The following TNFRSF19 variants were observed in gnomAD, a reference collection of about 807,000 sequenced individuals.
TNFRSF19 encodes the protein TNF receptor superfamily member 19.
In TNFRSF19, 27 loss-of-function variants were observed where a neutral mutation model predicts 46.4. That is an observed-to-expected ratio of 0.58 (90% CI 0.43 to 0.80). The LOEUF (loss-of-function observed/expected upper bound fraction) is 0.80. Among genes scored for constraint, TNFRSF19 ranks in the 30% least tolerant of loss-of-function variants. TNFRSF19 has a pLI of 0.00. For synonymous variants in TNFRSF19, 204 were observed against 205.0 expected, an observed-to-expected ratio of 1.00 and a Z score of 0.04; for missense variants, 511 against 530.8, an observed-to-expected ratio of 0.96 and a Z score of 0.37.
intron 3 of TNFRSF19, among the ~76,000 whole-genome samples, chr13:23,604,813 T>C (rs931537373): frequency 2.0e-5 from 3 of 152,074 alleles, no homozygotes; most frequent in Non-Finnish European, 2.9e-5. Flanking sequence ...AAAATGAATC[T>C]AGACACACCT....
At chr13:23,578,393 T>A (rs1180335063) in intron 1 of TNFRSF19, among the ~76,000 whole-genome samples, 1 of 152,216 alleles carries the variant, frequency 6.6e-6, no homozygotes, top group Non-Finnish European at 1.5e-5. Context: ...ATTTTTAACA[T>A]TGTTCACAAG....
At position 23,578,132 on chromosome 13, in the gene TNFRSF19, G is replaced by A. The variant is rs114867484; in HGVS notation, c.-35+7284G>A. Among the ~76,000 whole-genome samples the A allele has an allele frequency of 3.2e-3, 483 of 152,288 alleles. 4 individuals carry two copies. Among genetic ancestry groups the A allele is most frequent in the African/African-American group, 0.011 (442 of 41,552 alleles). On this transcript the variant is annotated intron_variant, in intron 1 of 9. Coordinates refer to ENST00000248484, the MANE Select transcript of TNFRSF19 (RefSeq NM_148957.4). ...CTCGGGAGATCCAGGTGTAGCTGGG[G>A]AAGGAAACAGATAAAGAAGTTCAGC... is the stretch of plus-strand genomic sequence containing the variant.
intron 1 of TNFRSF19, among the ~76,000 whole-genome samples, chr13:23,575,893 A>C (rs1437447273): frequency 6.6e-6 from 1 of 152,170 alleles, no homozygotes; most frequent in Non-Finnish European, 1.5e-5. Context: ...TTTGGGGAAA[A>C]ATATTTTAAA....
chr13:23,667,864 C>G, intron 7 of TNFRSF19, 116 bp from the exon 8 acceptor site: 1 of 846,132 alleles, frequency 1.2e-6, no homozygotes, highest in Non-Finnish European at 1.7e-6. Flanking sequence ...TTCCTTTTCC[C>G]CCAAAAGTCA....
intron 4 of TNFRSF19, among the ~76,000 whole-genome samples, chr13:23,623,353 T>G (rs574746950): frequency 2.0e-5 from 3 of 152,370 alleles, no homozygotes; most frequent in Admixed American, 2.0e-4. Flanking sequence ...TATTCATCAG[T>G]GGACATTTGG....
intron 3 of TNFRSF19, among the ~76,000 whole-genome samples, chr13:23,602,317 A>G (rs922463396): frequency 1.3e-5 from 2 of 152,166 alleles, no homozygotes; most frequent in African/African-American, 4.8e-5. Context: ...CTAAGAAATT[A>G]TAATAATCTT....
At chr13:23,577,761 G>A (rs1878061330) in intron 1 of TNFRSF19, among the ~76,000 whole-genome samples, 1 of 152,216 alleles carries the variant, frequency 6.6e-6, no homozygotes, top group African/African-American at 2.4e-5. Flanking sequence ...CTGCTCCAGA[G>A]GCGAGGCAAG....
chr13:23,612,931 C>T (rs1881001070), intron 3 of TNFRSF19, among the ~76,000 whole-genome samples: 1 of 152,060 alleles, frequency 6.6e-6, no homozygotes, highest in South Asian at 2.1e-4. Context: ...GGACAGGGAG[C>T]CACAGTTGAA....
At chr13:23,617,873 A>G (rs945792127) in intron 4 of TNFRSF19, among the ~76,000 whole-genome samples, 1 of 152,246 alleles carries the variant, frequency 6.6e-6, no homozygotes, top group Non-Finnish European at 1.5e-5. Context: ...GTCTAACATC[A>G]GAATTCATGC....
chr13:23,674,231 G>A lies in TNFRSF19; in HGVS notation c.*851G>A, dbSNP rs1951796239. ...TCTGTCCCTCTGCCTGAGCTTAGAA[G>A]GTTATAGAAAAAGGGTATTTATAAA... On this transcript the variant is annotated 3_prime_UTR_variant, in exon 10 of 10. Coordinates refer to ENST00000248484, the MANE Select transcript of TNFRSF19 (RefSeq NM_148957.4). 1 of 152,156 alleles carries A rather than the reference G, an allele frequency of 6.6e-6. No individual in the cohort carries two copies. Among genetic ancestry groups the A allele is most frequent in the Admixed American group, 6.5e-5 (1 of 15,274 alleles). The allele number at this position is 152,156 out of a possible 1,614,324, so 9.4% of individuals were successfully genotyped here. A position where few individuals can be genotyped will look rare whatever the true frequency, so the allele number is the denominator to read the frequency against.
chr13:23,572,769 T>C lies in TNFRSF19; in HGVS notation c.-35+1921T>C, dbSNP rs182581422. Among the ~76,000 whole-genome samples the C allele has an allele frequency of 3.1e-3, 467 of 152,324 alleles. 3 individuals are homozygous for C. The highest frequency in any genetic ancestry group is 0.011 in the African/African-American group (449 of 41,570). On this transcript the variant is annotated intron_variant, in intron 1 of 9. Transcript: ENST00000248484. ...GTTGTATCTGAAGGTACAGGTACAG[T>C]CTCAAAAGGCATTTCCTAATTAATT...
At chr13:23,612,515 C>T (rs1399276206) in intron 3 of TNFRSF19, among the ~76,000 whole-genome samples, 1 of 152,138 alleles carries the variant, frequency 6.6e-6, no homozygotes, top group Non-Finnish European at 1.5e-5. Flanking sequence ...CTTGGAATCA[C>T]CTTCTTTGAA....
chr13:23,593,839 C>T (rs1338929552), intron 3 of TNFRSF19, among the ~76,000 whole-genome samples: 1 of 152,178 alleles, frequency 6.6e-6, no homozygotes, highest in Non-Finnish European at 1.5e-5. Flanking sequence ...CAACTCTGAT[C>T]TGCAGCTCCC....
Position 23,674,477 on chromosome 13 carries a change from A to G in TNFRSF19, c.*1097A>G, listed in dbSNP as rs984998780. On this transcript the variant is annotated 3_prime_UTR_variant, in exon 10 of 10. Transcript: ENST00000248484. ...GTGCTCCTTCCAATTGTGTAAGATT[A>G]GTTAGCACATCATCTCCTACTTTAG... is the stretch of plus-strand genomic sequence containing the variant. The G allele has an allele frequency of 1.3e-5, 2 of 152,336 alleles. No individual in the cohort carries two copies. Among genetic ancestry groups the G allele is most frequent in the Admixed American group, 6.5e-5 (1 of 15,298 alleles). 9.4% of individuals were successfully genotyped at this position (152,336 alleles called of 1,614,324 possible).
chr13:23,651,864 T>TTTAAA (rs1883661992), intron 5 of TNFRSF19, among the ~76,000 whole-genome samples: 1 of 59,132 alleles, frequency 1.7e-5, no homozygotes, highest in Admixed American at 2.1e-4. Context: ...TTTTTTTTAC[T>TTTAAA]CTAAATGGTT....
chr13:23,623,347 C>A (rs1392537780), intron 4 of TNFRSF19, among the ~76,000 whole-genome samples: 2 of 152,178 alleles, frequency 1.3e-5, no homozygotes, highest in African/African-American at 4.8e-5. Context: ...TATCCATATT[C>A]ATCAGTGGAC....
At chr13:23,666,839 T>A (rs1428167466) in intron 7 of TNFRSF19, among the ~76,000 whole-genome samples, 1 of 152,194 alleles carries the variant, frequency 6.6e-6, no homozygotes, top group Non-Finnish European at 1.5e-5. Flanking sequence ...CCAGTCATCC[T>A]GTTTCTCACG....
At chr13:23,608,648 C>T (rs377728218) in intron 3 of TNFRSF19, among the ~76,000 whole-genome samples, 18 of 152,298 alleles carry the variant, frequency 1.2e-4, no homozygotes, top group Middle Eastern at 3.4e-3. Context: ...ATCCAGTATA[C>T]GAGCAACTAG....
At chr13:23,657,450 C>T (rs1388979551) in intron 5 of TNFRSF19, among the ~76,000 whole-genome samples, 1 of 152,100 alleles carries the variant, frequency 6.6e-6, no homozygotes, top group Non-Finnish European at 1.5e-5. Flanking sequence ...TCTAGAGTTG[C>T]AGTGTCCATT....
Sources: allele counts gnomAD v4.1 joint callset (sites outside exome capture counted in the v4.1 genomes callset), GRCh38; gene constraint gnomAD v4.1.1; transcripts MANE v1.5; gene names NCBI Gene and HGNC (gene_info 2026-07-23, HGNC 2026-07-21).